Variants in LAMA2 observed in about 807,000 individuals in gnomAD.
LAMA2 encodes the protein laminin subunit alpha 2.
Under a neutral mutation model 364.8 loss-of-function variants are expected in LAMA2, and 269 were observed. The observed-to-expected ratio is 0.74, with a 90% confidence interval of 0.67 to 0.82. LAMA2 has a LOEUF of 0.82. Among genes scored for constraint, LAMA2 ranks in the 40% least tolerant of loss-of-function variants. LAMA2 has a pLI of 0.00. For missense variants in LAMA2, 3,807 were observed against 3,873.2 expected, an observed-to-expected ratio of 0.98 and a Z score of 0.45; for synonymous variants, 1,379 against 1,370.6, an observed-to-expected ratio of 1.01 and a Z score of -0.14.
intron 14 of LAMA2, among the ~76,000 whole-genome samples, chr6:129,256,766 ATATATATATATATAT>A (rs1562385487): frequency 3.5e-4 from 32 of 92,256 alleles, no homozygotes; most frequent in South Asian, 3.4e-4. Context: ...TATATAGCAT[ATATATATATATATAT>A]ATATATATAT....
intron 34 of LAMA2, among the ~76,000 whole-genome samples, chr6:129,376,206 C>T (rs73774803): frequency 5.3e-5 from 8 of 152,300 alleles, no homozygotes; most frequent in Admixed American, 2.6e-4. Context: ...TGGACCCCTA[C>T]GGATTGAGGG....
intron 1 of LAMA2, among the ~76,000 whole-genome samples, chr6:129,044,199 T>C (rs1787307064): frequency 6.7e-6 from 1 of 148,412 alleles, no homozygotes; most frequent in South Asian, 2.1e-4. Context: ...TACACACACA[T>C]ATACATACAC....
chr6:129,037,373 T>C (rs76129841), intron 1 of LAMA2, among the ~76,000 whole-genome samples: 4,881 of 152,208 alleles, frequency 0.032, 247 homozygotes, highest in African/African-American at 0.1. Context: ...TTGTAAACAG[T>C]ATATGATATC....
intron 29 of LAMA2, among the ~76,000 whole-genome samples, chr6:129,334,505 CATT>C (rs1775836110): frequency 6.6e-6 from 1 of 152,156 alleles, no homozygotes; most frequent in Non-Finnish European, 1.5e-5. Context: ...TTACCATACA[CATT>C]ATCTACCATT....
chr6:129,352,827 G>A (rs143379448), intron 31 of LAMA2, among the ~76,000 whole-genome samples: 1 of 151,970 alleles, frequency 6.6e-6, no homozygotes, highest in East Asian at 1.9e-4. Context: ...CCAAATGAAG[G>A]ATAATTTCAA....
chr6:129,325,922 C>T (rs1775251511), intron 28 of LAMA2, among the ~76,000 whole-genome samples: 1 of 152,162 alleles, frequency 6.6e-6, no homozygotes, highest in Admixed American at 6.5e-5. Context: ...TTACTGCAAC[C>T]TCCACTTCCC....
Position 129,238,549 on chromosome 6 carries a change from G to A in LAMA2, c.1783-11563G>A, listed in dbSNP as rs145671117. ...TTATAGTCACATGAAACCACTGAGC[G>A]TGTTCATGTGTGTGTGTGTGTGTGT... On this transcript the variant is annotated intron_variant, in intron 12 of 64. Transcript: ENST00000421865. Among the ~76,000 whole-genome samples, 9 of 125,696 alleles carry A rather than the reference G, an allele frequency of 7.2e-5. 1 individual carries two copies. The highest frequency in any genetic ancestry group is 2.1e-4 in the African/African-American group (7 of 33,784). 82.5% of individuals were successfully genotyped at this position (125,696 alleles called of 152,430 possible). A position where few individuals can be genotyped will look rare whatever the true frequency, so the allele number is the denominator to read the frequency against.
At chr6:129,223,583 C>T (rs1784031229) in intron 12 of LAMA2, among the ~76,000 whole-genome samples, 1 of 152,144 alleles carries the variant, frequency 6.6e-6, no homozygotes. Context: ...TTCCCAGCAC[C>T]ATTTATTAAA....
Position 129,314,172 on chromosome 6 carries a change from G to A in LAMA2, c.3412-483G>A, listed in dbSNP as rs1395629915. 2.0e-5 allele frequency among the ~76,000 whole-genome samples: 3 copies of A among 152,136 alleles called. No homozygotes were observed. The East Asian group carries it at 5.8e-4, about 30-fold the overall frequency. On this transcript the variant is annotated intron_variant, in intron 23 of 64. Transcript: ENST00000421865. ...TCCCACCACTTTGGGAGGCCGAGGC[G>A]GGCGGATCACGAGGTCAGGAGATCG...
chr6:129,364,609 T>C (rs2114616167), intron 32 of LAMA2, among the ~76,000 whole-genome samples: 1 of 152,330 alleles, frequency 6.6e-6, no homozygotes, highest in South Asian at 2.1e-4. Context: ...TACGACTATT[T>C]ATGAGATCTA....
chr6:129,247,591 A>T (rs893594375), intron 12 of LAMA2, among the ~76,000 whole-genome samples: 20 of 152,338 alleles, frequency 1.3e-4, no homozygotes, highest in African/African-American at 4.8e-4. Flanking sequence ...GTGGCTTGGG[A>T]AAAAAACATC....
intron 22 of LAMA2, among the ~76,000 whole-genome samples, chr6:129,309,338 A>G (rs148504699): frequency 0.013 from 1,965 of 152,294 alleles, 49 homozygotes; most frequent in African/African-American, 0.046. Context: ...ATCTAAACAC[A>G]TGGTTAATGG....
intron 3 of LAMA2, among the ~76,000 whole-genome samples, chr6:129,081,506 T>C (rs1391153690): frequency 6.6e-6 from 1 of 152,234 alleles, no homozygotes; most frequent in Admixed American, 6.5e-5. Context: ...TCAATTTAAG[T>C]AATCTTCTTT....
At position 129,475,872 on chromosome 6, in the gene LAMA2, C is replaced by T. The variant is rs115660561; in HGVS notation, c.7451+471C>T. Among the ~76,000 whole-genome samples the T allele has an allele frequency of 2.4e-3, 370 of 152,246 alleles. 3 individuals carry two copies. Among genetic ancestry groups the T allele is most frequent in the African/African-American group, 8.5e-3 (352 of 41,548 alleles). On this transcript the variant is annotated intron_variant, in intron 53 of 64. Transcript: ENST00000421865. ...CCACTGCCTTCTTGCTTTTTGCAGG[C>T]CTGCAGATATGCAAACATTTACACA...
intron 28 of LAMA2, among the ~76,000 whole-genome samples, chr6:129,325,355 AAG>A (rs1298597466): frequency 7.2e-5 from 11 of 152,118 alleles, no homozygotes; most frequent in African/African-American, 2.4e-4. Context: ...GTGTTCCAGA[AAG>A]GATTTTAGAT....
chr6:129,035,487 C>T (rs1353786875), intron 1 of LAMA2, among the ~76,000 whole-genome samples: 1 of 144,612 alleles, frequency 6.9e-6, no homozygotes, highest in Non-Finnish European at 1.5e-5. Context: ...GTTTATTTTG[C>T]TGTGCAAACG....
At position 129,503,278 on chromosome 6, in the gene LAMA2, A is replaced by ATCC. The variant is rs1785795419; in HGVS notation, c.8545_8546insTCC (p.Lys2849delinsIleGln). 2 of 1,613,154 alleles carry ATCC rather than the reference A, an allele frequency of 1.2e-6. No individual in the cohort carries two copies. Among genetic ancestry groups the ATCC allele is most frequent in the Non-Finnish European group, 1.7e-6 (2 of 1,179,598 alleles). On this transcript the variant is annotated protein_altering_variant and splice_region_variant, in exon 60 of 65. Coordinates refer to ENST00000421865, the MANE Select transcript of LAMA2 (RefSeq NM_000426.4). ...CAAAATCAATGATGGCCAGTGGCAC[A>ATCC]AGGTAATAGTCCCCTGGATATTGGC...
intron 15 of LAMA2, among the ~76,000 whole-genome samples, chr6:129,262,163 T>G (rs1787183068): frequency 6.6e-6 from 1 of 152,146 alleles, no homozygotes; most frequent in Admixed American, 6.6e-5. Context: ...ATGCTTTTAG[T>G]CTCTTCCTTC....
intron 10 of LAMA2, among the ~76,000 whole-genome samples, chr6:129,182,443 C>T (rs1780987381): frequency 2.0e-5 from 3 of 151,452 alleles, no homozygotes; most frequent in Non-Finnish European, 4.4e-5. Flanking sequence ...AAAATGTGCT[C>T]AACGTAAATG....
Sources: gnomAD v4.1 joint callset for allele counts (sites outside exome capture counted in the v4.1 genomes callset) on GRCh38, gnomAD v4.1.1 for gene constraint, MANE v1.5 for transcripts, NCBI Gene and HGNC (gene_info 2026-07-23, HGNC 2026-07-21) for gene names.